HYCC2: variants seen among roughly 807,000 people sequenced by gnomAD.
HYCC2 encodes hyccin PI4KA lipid kinase complex subunit 2.
the HYCC2 span, among the ~76,000 whole-genome samples, chr2:200,999,480 G>C: frequency 6.6e-6 from 1 of 151,374 alleles, no homozygotes; most frequent in Admixed American, 6.6e-5. Flanking sequence ...CCGCCTCCCA[G>C]GTTCAAGCCA....
At chr2:200,993,483 G>T in the HYCC2 span, among the ~76,000 whole-genome samples, 2 of 152,130 alleles carry the variant, frequency 1.3e-5, no homozygotes, top group Non-Finnish European at 2.9e-5. Context: ...ATTAAGTGAT[G>T]CTTCCAAAAA....
chr2:201,032,923 TTA>T, the HYCC2 span, among the ~76,000 whole-genome samples: 1 of 152,112 alleles, frequency 6.6e-6, no homozygotes, highest in Non-Finnish European at 1.5e-5. Flanking sequence ...TTTTAGATAA[TTA>T]TAATTATTCA....
the HYCC2 span, chr2:201,064,137 G>A: frequency 1.8e-5 from 19 of 1,052,424 alleles, no homozygotes; most frequent in Non-Finnish European, 2.7e-5. Context: ...ACTCAGCCAA[G>A]CACAGTGGTG....
chr2:201,019,762 A>G, the HYCC2 span, among the ~76,000 whole-genome samples: 1 of 151,828 alleles, frequency 6.6e-6, no homozygotes, highest in Non-Finnish European at 1.5e-5. Flanking sequence ...GTCTTAAAAA[A>G]AAAAAAGAAA....
chr2:201,066,386 A>C, the HYCC2 span, among the ~76,000 whole-genome samples: 2 of 152,088 alleles, frequency 1.3e-5, no homozygotes, highest in Non-Finnish European at 2.9e-5. Context: ...TATGTTTTCT[A>C]TTTGAGTCTT....
the HYCC2 span, among the ~76,000 whole-genome samples, chr2:201,000,552 C>T: frequency 6.6e-6 from 1 of 151,842 alleles, no homozygotes. Context: ...AAGATGGCTA[C>T]AATAAAAAAG....
At chr2:201,040,448 T>TTGC in the HYCC2 span, among the ~76,000 whole-genome samples, 13 of 151,644 alleles carry the variant, frequency 8.6e-5, no homozygotes, top group African/African-American at 3.2e-4. Context: ...CATTTTGTTG[T>TTGC]TATTGCTTTT....
the HYCC2 span, among the ~76,000 whole-genome samples, chr2:201,014,845 G>A: frequency 2.3e-4 from 35 of 152,110 alleles, no homozygotes; most frequent in East Asian, 6.6e-3. Flanking sequence ...AGACTTCAAG[G>A]TGAAGAAATT....
At chr2:201,012,138 T>C in the HYCC2 span, among the ~76,000 whole-genome samples, 2 of 152,088 alleles carry the variant, frequency 1.3e-5, no homozygotes, top group African/African-American at 4.8e-5. Flanking sequence ...TCATTCGCAA[T>C]AAACGAATGA....
chr2:200,975,621 T>C, the HYCC2 span: 1 of 152,098 alleles, frequency 6.6e-6, no homozygotes, highest in Non-Finnish European at 1.5e-5. Context: ...TTTCTAAAAA[T>C]CCAGAAGCAA....
At chr2:201,029,823 T>A in the HYCC2 span, among the ~76,000 whole-genome samples, 22 of 152,242 alleles carry the variant, frequency 1.4e-4, no homozygotes, top group African/African-American at 5.3e-4. Flanking sequence ...GAGAAATACC[T>A]AATGTAAATG....
chr2:201,052,109 G>A, the HYCC2 span: 3 of 152,244 alleles, frequency 2.0e-5, no homozygotes, highest in African/African-American at 7.2e-5. Flanking sequence ...GCTAACTTGT[G>A]CGACATAGTG....
chr2:200,974,041 G>A, the HYCC2 span: 11 of 151,862 alleles, frequency 7.2e-5, no homozygotes, highest in Non-Finnish European at 1.0e-4. Context: ...TTAAATTCAC[G>A]GTTTTTTCTT....
At chr2:200,981,778 A>G in the HYCC2 span, 65 of 1,613,998 alleles carry the variant, frequency 4.0e-5, no homozygotes, top group Non-Finnish European at 5.1e-5. This position sits in a 1 kb window ranked among gnomAD's most constrained non-coding sequence, Gnocchi z 4.5. Context: ...TTTGGTCCCA[A>G]TTGGCTGACT....
At chr2:201,028,593 A>G in the HYCC2 span, among the ~76,000 whole-genome samples, 1 of 152,224 alleles carries the variant, frequency 6.6e-6, no homozygotes, top group South Asian at 2.1e-4. Flanking sequence ...CCAAAACAGC[A>G]TGGTACTGGT....
At chr2:200,985,177 T>C in the HYCC2 span, among the ~76,000 whole-genome samples, 1 of 152,182 alleles carries the variant, frequency 6.6e-6, no homozygotes, top group East Asian at 1.9e-4. Context: ...CTTTGTAATT[T>C]TCTCCAAAGG....
At chr2:200,993,605 C>G in the HYCC2 span, among the ~76,000 whole-genome samples, 1 of 151,868 alleles carries the variant, frequency 6.6e-6, no homozygotes. Flanking sequence ...TGTTTAGTGC[C>G]TTATGGTCTT....
the HYCC2 span, chr2:200,987,367 T>C: frequency 7.8e-7 from 1 of 1,289,602 alleles, no homozygotes; most frequent in East Asian, 5.6e-5. Context: ...TGTCCTACCC[T>C]CTGTTGTGGC....
the HYCC2 span, chr2:200,981,293 T>A: frequency 1.2e-6 from 2 of 1,613,760 alleles, no homozygotes; most frequent in African/African-American, 2.7e-5. This position sits in a 1 kb window ranked among gnomAD's most constrained non-coding sequence, Gnocchi z 4.5. Flanking sequence ...ATTAGCTGCA[T>A]ATTGAAACTT....
Sources: gnomAD v4.1 joint callset for allele counts (sites outside exome capture counted in the v4.1 genomes callset) on GRCh38, gnomAD v4.1.1 for gene constraint, Gnocchi (gnomAD v3.1) non-coding constraint, MANE v1.5 for transcripts, NCBI Gene and HGNC (gene_info 2026-07-23, HGNC 2026-07-21) for gene names.